TTC39C: variants seen among roughly 807,000 people sequenced by gnomAD.
The protein encoded by TTC39C is tetratricopeptide repeat protein 39C.
Under a neutral mutation model 76.3 loss-of-function variants are expected in TTC39C, and 33 were observed. The ratio of observed to expected loss-of-function variants is 0.43; its 90% CI spans 0.33 to 0.58. The LOEUF is 0.58. Ranked by LOEUF, TTC39C falls within the 20% of genes least tolerant of loss-of-function variation. TTC39C has a pLI of 0.04. For missense variants in TTC39C, 595 were observed against 701.4 expected (o/e 0.85, Z 1.71); for synonymous variants, 254 against 260.6 (o/e 0.97, Z 0.24).
At chr18:24,038,773 G>C (rs560974457) in intron 1 of TTC39C, among the ~76,000 whole-genome samples, 3 of 152,214 alleles carry the variant, frequency 2.0e-5, no homozygotes, top group Non-Finnish European at 2.9e-5. Flanking sequence ...TCTGGTGAGG[G>C]CTGTCTCTCT....
In TTC39C at chr18:24,114,596, G is replaced by A. The variant is rs200673106; in HGVS notation, c.1027G>A (p.Glu343Lys). The part of the protein sequence containing the change: ...SALTSFHTAL[E>K]LAVDQREIQH... The stretch of plus-strand genomic sequence containing the variant: ...CTTGACATCTTTCCACACTGCTTTG[G>A]AACTTGCAGTAGACCAGAGAGAAAT... Residue 343 changes from glutamate (E) to lysine (K), a missense_variant, in exon 7 of 14, where the codon GAA becomes AAA. Transcript: ENST00000317571. 2 of 1,614,006 alleles carry A rather than the reference G, an allele frequency of 1.2e-6. No homozygotes were observed. The highest frequency in any genetic ancestry group is 1.7e-6 in the Non-Finnish European group (2 of 1,179,970).
At chr18:24,036,992 T>A (rs1599259675) in intron 1 of TTC39C, among the ~76,000 whole-genome samples, 2 of 152,278 alleles carry the variant, frequency 1.3e-5, no homozygotes, top group East Asian at 3.9e-4. Context: ...AATTTTATTG[T>A]TTTTCTTTCC....
At chr18:24,048,985 G>A (rs1331000148) in intron 1 of TTC39C, among the ~76,000 whole-genome samples, 4 of 152,106 alleles carry the variant, frequency 2.6e-5, no homozygotes, top group Non-Finnish European at 4.4e-5. Flanking sequence ...TTCTTAAGAC[G>A]CGTTGGCCAA....
At chr18:24,010,921 G>C (rs1313429131), upstream of TTC39C, among the ~76,000 whole-genome samples, 3 of 152,094 alleles carry the variant, frequency 2.0e-5, no homozygotes, top group African/African-American at 7.2e-5. Context: ...GGTGACATGT[G>C]CCTGTAGTTC....
upstream of TTC39C, among the ~76,000 whole-genome samples, chr18:24,013,592 C>T (rs113290022): frequency 0.025 from 3,793 of 152,234 alleles, 120 homozygotes; most frequent in Middle Eastern, 0.075. Flanking sequence ...ATAAATGTTT[C>T]AGCAAAGTTT....
intron 1 of TTC39C, among the ~76,000 whole-genome samples, chr18:24,002,524 G>A (rs1331058359): frequency 6.6e-6 from 1 of 152,184 alleles, no homozygotes; most frequent in Non-Finnish European, 1.5e-5. Flanking sequence ...TGCCCAGAGT[G>A]ATCGTGCAAG....
chr18:24,075,422 A>G (rs2084291785), intron 4 of TTC39C, among the ~76,000 whole-genome samples: 1 of 152,084 alleles, frequency 6.6e-6, no homozygotes, highest in Non-Finnish European at 1.5e-5. Flanking sequence ...ACACCTGTGC[A>G]CGGTGGCTCC....
At chr18:24,116,427 C>T (rs2084892335) in intron 7 of TTC39C, among the ~76,000 whole-genome samples, 1 of 152,138 alleles carries the variant, frequency 6.6e-6, no homozygotes, top group African/African-American at 2.4e-5. Context: ...CCTATAATCT[C>T]AGCTACTCAG....
intron 2 of TTC39C, among the ~76,000 whole-genome samples, chr18:24,065,345 G>A (rs981096528): frequency 6.6e-6 from 1 of 152,196 alleles, no homozygotes; most frequent in Admixed American, 6.5e-5. Flanking sequence ...GTCTGTCTCT[G>A]CCCCTGTAAG....
At chr18:24,081,890 A>G (rs1393131137) in intron 5 of TTC39C, among the ~76,000 whole-genome samples, 1 of 152,206 alleles carries the variant, frequency 6.6e-6, no homozygotes, top group Non-Finnish European at 1.5e-5. Context: ...TGATAAAGAA[A>G]TGAATAGAAT....
At chr18:24,118,673 G>A (rs1255015023) in intron 8 of TTC39C, among the ~76,000 whole-genome samples, 1 of 142,318 alleles carries the variant, frequency 7.0e-6, no homozygotes, top group South Asian at 2.2e-4. Context: ...TTTTTTTTGA[G>A]TCTGGGTCTT....
intron 1 of TTC39C, among the ~76,000 whole-genome samples, chr18:24,022,154 A>G (rs2083524687): frequency 6.6e-6 from 1 of 152,086 alleles, no homozygotes; most frequent in African/African-American, 2.4e-5. Flanking sequence ...ATACTGTGCC[A>G]TTTTCTATCA....
upstream of TTC39C, among the ~76,000 whole-genome samples, chr18:24,011,847 A>G (rs2083395877): frequency 6.6e-6 from 1 of 152,082 alleles, no homozygotes; most frequent in Non-Finnish European, 1.5e-5. Flanking sequence ...CAAAGGAAAC[A>G]CTCGGATAAA....
At chr18:24,120,442 G>A (rs577757087) in intron 8 of TTC39C, among the ~76,000 whole-genome samples, 101 of 152,306 alleles carry the variant, frequency 6.6e-4, no homozygotes, top group Non-Finnish European at 1.2e-3. Flanking sequence ...GAGGGCATGG[G>A]CATTCAGGGA....
intron 1 of TTC39C, among the ~76,000 whole-genome samples, chr18:24,059,430 C>A (rs2084062094): frequency 6.6e-6 from 1 of 152,128 alleles, no homozygotes; most frequent in Non-Finnish European, 1.5e-5. Context: ...ATGTTCTCAA[C>A]ACTTAGCTCC....
chr18:24,036,948 T>C (rs1364656322), intron 1 of TTC39C, among the ~76,000 whole-genome samples: 1 of 152,198 alleles, frequency 6.6e-6, no homozygotes, highest in African/African-American at 2.4e-5. Flanking sequence ...TAGGGTTTCT[T>C]ACATCTAAGA....
chr18:24,126,109 C>G (rs1470302048), intron 10 of TTC39C, among the ~76,000 whole-genome samples: 2 of 152,208 alleles, frequency 1.3e-5, no homozygotes, highest in South Asian at 4.1e-4. Context: ...ATCACTTGAG[C>G]CCAGGATATC....
At chr18:24,023,298 C>T (rs139242179) in intron 1 of TTC39C, among the ~76,000 whole-genome samples, 284 of 152,062 alleles carry the variant, frequency 1.9e-3, no homozygotes, top group Non-Finnish European at 3.0e-3. Context: ...CCTGCCTGGC[C>T]CCGTCGCTGC....
intron 10 of TTC39C, among the ~76,000 whole-genome samples, chr18:24,128,324 G>T (rs2085076208): frequency 6.6e-6 from 1 of 151,836 alleles, no homozygotes; most frequent in African/African-American, 2.4e-5. Context: ...GCTTCTACAA[G>T]ATCAGCTTCT....
Sources: gnomAD v4.1 joint callset for allele counts (sites outside exome capture counted in the v4.1 genomes callset) on GRCh38, gnomAD v4.1.1 for gene constraint, MANE v1.5 for transcripts, NCBI Gene and HGNC (gene_info 2026-07-23, HGNC 2026-07-21) for gene names.